The following ANGPT1 variants were observed in gnomAD, a reference collection of about 807,000 sequenced individuals.
ANGPT1 encodes angiopoietin-1.
Under a neutral mutation model 62.2 loss-of-function variants are expected in ANGPT1, and 17 were observed. The observed-to-expected ratio is 0.27, with a 90% confidence interval of 0.19 to 0.41. The LOEUF (loss-of-function observed/expected upper bound fraction) is 0.41, where lower values mean the gene tolerates loss of function less well. Ranked by LOEUF, ANGPT1 falls within the 10% of genes least tolerant of loss-of-function variation. ANGPT1 has a pLI of 1.00. For missense variants in ANGPT1, 478 were observed against 594.9 expected (o/e 0.80, Z 2.04); for synonymous variants, 199 against 198.9 (o/e 1.00, Z 0.00).
In ANGPT1 at chr8:107,457,859, CA is replaced by C. The variant is rs879786944; in HGVS notation, c.297+39402del. ...ACACACACACACACACACACACACA[CA>C]CACACACCAAGAGGGGAAAAAAATA... On this transcript the variant is annotated intron_variant, in intron 1 of 8. Transcript: ENST00000517746. Among the ~76,000 whole-genome samples the C allele has an allele frequency of 9.1e-3, 1,326 of 145,036 alleles. 11 individuals carry two copies. The highest frequency in any genetic ancestry group is 0.018 in the East Asian group (94 of 5,098).
rs140475198 is a variant in ANGPT1, at chr8:107,258,541, G to A, written c.1336+5680C>T. ...GCTTTGGTTGTAGCCTTGCACGAGA[G>A]GACTATCGGTTCTGATTCACCTTTT... On this transcript the variant is annotated intron_variant, in intron 8 of 8. Coordinates refer to ENST00000517746, the MANE Select transcript of ANGPT1 (RefSeq NM_001146.5). Among the ~76,000 whole-genome samples, 213 of 152,148 alleles carry A rather than the reference G, an allele frequency of 1.4e-3. 2 individuals are homozygous for A. In the East Asian group the frequency reaches 0.026, roughly 19 times the overall value.
At chr8:107,280,917 G>A (rs1262923335) in intron 7 of ANGPT1, among the ~76,000 whole-genome samples, 1 of 152,150 alleles carries the variant, frequency 6.6e-6, no homozygotes, top group Non-Finnish European at 1.5e-5. Context: ...TTGCCTGGGT[G>A]TTAGATGATG....
chr8:107,391,667 A>T (rs1428288319), intron 1 of ANGPT1, among the ~76,000 whole-genome samples: 1 of 152,188 alleles, frequency 6.6e-6, no homozygotes, highest in Non-Finnish European at 1.5e-5. Flanking sequence ...ACTTTGTCTC[A>T]AAACAAACAA....
chr8:107,331,687 A>G (rs1815424928), intron 3 of ANGPT1, among the ~76,000 whole-genome samples: 1 of 152,148 alleles, frequency 6.6e-6, no homozygotes, highest in African/African-American at 2.4e-5. Context: ...GAGGATTGGA[A>G]ATAGTAAGTT....
chr8:107,271,262 C>A (rs970797051), intron 7 of ANGPT1, among the ~76,000 whole-genome samples: 12 of 151,954 alleles, frequency 7.9e-5, no homozygotes, highest in African/African-American at 2.9e-4. Context: ...ACCTCTATGT[C>A]CTGCCAATAT....
chr8:107,467,619 C>G (rs549694008), intron 1 of ANGPT1, among the ~76,000 whole-genome samples: 1 of 152,094 alleles, frequency 6.6e-6, no homozygotes, highest in Admixed American at 6.6e-5. Context: ...ACAAAACAGA[C>G]CTGGTTTTCT....
chr8:107,418,520 T>C (rs570038453), intron 1 of ANGPT1, among the ~76,000 whole-genome samples: 84 of 152,322 alleles, frequency 5.5e-4, no homozygotes, highest in Admixed American at 4.1e-3. Flanking sequence ...TAATTGGGAT[T>C]GGCAATTTCC....
chr8:107,453,990 CTG>C (rs1811850300), intron 1 of ANGPT1, among the ~76,000 whole-genome samples: 2 of 152,042 alleles, frequency 1.3e-5, no homozygotes, highest in Admixed American at 1.3e-4. Flanking sequence ...ATGGTTGTCT[CTG>C]TTATGTGGTG....
At chr8:107,325,025 A>C (rs1815253425) in intron 3 of ANGPT1, among the ~76,000 whole-genome samples, 1 of 152,210 alleles carries the variant, frequency 6.6e-6, no homozygotes. Context: ...CAAGGTAAGC[A>C]GTGTAAGATG....
intron 7 of ANGPT1, among the ~76,000 whole-genome samples, chr8:107,283,709 G>A (rs1395298368): frequency 1.3e-5 from 2 of 152,128 alleles, no homozygotes; most frequent in Admixed American, 1.3e-4. Context: ...CAGAGGTAGA[G>A]CAGTCACAAT....
intron 1 of ANGPT1, among the ~76,000 whole-genome samples, chr8:107,485,296 T>C (rs991681182): frequency 2.6e-5 from 4 of 152,306 alleles, no homozygotes; most frequent in South Asian, 2.1e-4. Flanking sequence ...TGTGCTGTTT[T>C]AATAGGTTTT....
chr8:107,279,621 A>G (rs1019761871), intron 7 of ANGPT1, among the ~76,000 whole-genome samples: 6 of 152,154 alleles, frequency 3.9e-5, no homozygotes, highest in African/African-American at 1.4e-4. Context: ...GGTGTATAGT[A>G]TGTGTGCCTC....
intron 2 of ANGPT1, 135 bp downstream of exon 2, chr8:107,346,804 ATTG>A (rs1815813884): frequency 1.3e-6 from 1 of 750,212 alleles, no homozygotes; most frequent in Non-Finnish European, 2.1e-6. Flanking sequence ...TCAGGCAGTC[ATTG>A]TTGTTATTAC....
chr8:107,368,210 T>G (rs1237136746), intron 1 of ANGPT1, among the ~76,000 whole-genome samples: 1 of 152,172 alleles, frequency 6.6e-6, no homozygotes, highest in Non-Finnish European at 1.5e-5. Context: ...ATATTAATAT[T>G]CTTGTGCATC....
At chr8:107,282,897 A>G (rs28531923) in intron 7 of ANGPT1, among the ~76,000 whole-genome samples, 2,010 of 151,992 alleles carry the variant, frequency 0.013, 51 homozygotes, top group African/African-American at 0.045. Flanking sequence ...TGGCATACAC[A>G]TCATACACTC....
chr8:107,467,096 T>C (rs1442092531), intron 1 of ANGPT1, among the ~76,000 whole-genome samples: 1 of 152,036 alleles, frequency 6.6e-6, no homozygotes, highest in African/African-American at 2.4e-5. Flanking sequence ...GTTTGTCAAG[T>C]GTGCAGATAA....
chr8:107,371,855 T>G lies in ANGPT1; in HGVS notation c.298-24758A>C, dbSNP rs544076860. The stretch of plus-strand genomic sequence containing the variant: ...CATTACCTTAATTCACATAAAGGCA[T>G]GAATGAATGGTTTCCAACTTATTGC... On this transcript the variant is annotated intron_variant, in intron 1 of 8. Transcript: ENST00000517746. Among the ~76,000 whole-genome samples the G allele has an allele frequency of 9.8e-4, 150 of 152,306 alleles. 1 individual carries two copies. The highest frequency in any genetic ancestry group is 3.5e-3 in the African/African-American group (146 of 41,574).
chr8:107,253,136 C>T (rs1563535061), intron 8 of ANGPT1, among the ~76,000 whole-genome samples: 1 of 152,182 alleles, frequency 6.6e-6, no homozygotes, highest in African/African-American at 2.4e-5. Context: ...TAACAAGCTG[C>T]ATTAATCACC....
intron 1 of ANGPT1, among the ~76,000 whole-genome samples, chr8:107,373,712 A>G (rs1379886660): frequency 6.6e-6 from 1 of 152,188 alleles, no homozygotes; most frequent in African/African-American, 2.4e-5. Context: ...GAACTGAAAG[A>G]TTTACCATAT....
Sources: gnomAD v4.1 joint callset for allele counts (sites outside exome capture counted in the v4.1 genomes callset) on GRCh38, gnomAD v4.1.1 for gene constraint, MANE v1.5 for transcripts, NCBI Gene and HGNC (gene_info 2026-07-23, HGNC 2026-07-21) for gene names.